CD22: variants seen among roughly 807,000 people sequenced by gnomAD.
CD22 encodes B-cell receptor CD22.
Under a neutral mutation model 94.7 loss-of-function variants are expected in CD22, and 51 were observed. The ratio of observed to expected loss-of-function variants is 0.54; its 90% CI spans 0.43 to 0.68. The LOEUF (loss-of-function observed/expected upper bound fraction) is 0.68. CD22 is among the 30% of genes least tolerant of loss of function. The pLI is 0.00. For missense variants in CD22, 931 were observed against 1,060.4 expected, an observed-to-expected ratio of 0.88 and a Z score of 1.69; for synonymous variants, 424 against 422.5, an observed-to-expected ratio of 1.00 and a Z score of -0.04.
Position 35,346,848 on chromosome 19 carries a change from GA to G in CD22, c.*153del, listed in dbSNP as rs1369572538. On this transcript the variant is annotated 3_prime_UTR_variant, in exon 14 of 14. Transcript: ENST00000085219. ...CACACACACACACACTCACTGCGGA[GA>G]ACCTTGTGCCTGGCTCAGAGCCAGT... The G allele has an allele frequency of 2.5e-6, 2 of 805,056 alleles. No individual in the cohort carries two copies. Among genetic ancestry groups the G allele is most frequent in the Non-Finnish European group, 3.8e-6 (2 of 529,464 alleles). 49.9% of individuals were successfully genotyped at this position (805,056 alleles called of 1,614,324 possible). A position where few individuals can be genotyped will look rare whatever the true frequency, so the allele number is the denominator to read the frequency against.
chr19:35,346,008 T>G, intron 12 of CD22, 143 bp from the exon 13 acceptor site: 1 of 681,722 alleles, frequency 1.5e-6, no homozygotes, highest in Non-Finnish European at 2.6e-6. Flanking sequence ...GAGCTCCTAC[T>G]GTGAGCTTTG....
intron 10 of CD22, 49 bp downstream of exon 10, chr19:35,344,974 C>G (rs903677542): frequency 1.3e-6 from 2 of 1,592,748 alleles, no homozygotes; most frequent in African/African-American, 2.7e-5. Flanking sequence ...TGGCAGAGGC[C>G]CGTGTCCAGT....
Position 35,336,188 on chromosome 19 carries a change from A to G in CD22, c.565A>G (p.Thr189Ala), listed in dbSNP as rs768754260. The G allele has an allele frequency of 2.5e-5, 40 of 1,613,998 alleles. No individual in the cohort carries two copies. The highest frequency in any genetic ancestry group is 3.1e-5 in the Non-Finnish European group (36 of 1,180,022). Residue 189 changes from threonine (T) to alanine (A), a missense_variant, in exon 4 of 14, where the codon ACC (threonine) becomes GCC (alanine). By Grantham distance (58) the Thr-to-Ala change is moderately conservative (BLOSUM62 0). Coordinates refer to ENST00000085219, the MANE Select transcript of CD22 (RefSeq NM_001771.4). ...GGTTCCAATGAGGCAGGCTGCTGTCACCTCGACCTCCTTGACCATCAAGTC... is the reference window on the plus strand; with the variant it reads ...GGTTCCAATGAGGCAGGCTGCTGTCGCCTCGACCTCCTTGACCATCAAGTC... ...EGVPMRQAAV[T>A]STSLTIKSVF...
At position 35,340,273 on chromosome 19, in the gene CD22, C is replaced by A. The variant is rs145417333; in HGVS notation, c.1250-608C>A. ...TTAGGAACTCTCAGGACTCACCCCC[C>A]ACCCACCCCGCACTGCCTCTTGTTT... On this transcript the variant is annotated intron_variant, in intron 6 of 13. Transcript: ENST00000085219. Among the ~76,000 whole-genome samples the A allele has an allele frequency of 5.1e-3, 775 of 152,026 alleles. 13 individuals carry two copies. The highest frequency in any genetic ancestry group is 0.027 in the Middle Eastern group (8 of 294).
At chr19:35,339,421 G>A (rs2066773929) in intron 6 of CD22, among the ~76,000 whole-genome samples, 1 of 151,938 alleles carries the variant, frequency 6.6e-6, no homozygotes. Context: ...GCCTGGCATG[G>A]TCATGCATGC....
In CD22 at chr19:35,341,892, G is replaced by A. The variant is rs759584926; in HGVS notation, c.1962G>A (p.Ser654=). 6.2e-6 allele frequency: 10 copies of A among 1,613,846 alleles called. No homozygotes were observed. The highest frequency in any genetic ancestry group is 1.3e-5 in the African/African-American group (1 of 74,850). ...LRLEPVKVQH[S]GAYWCQGTNS... ...TGGAGCCGGTGAAGGTCCAGCACTC[G>A]GGTGCCTACTGGTGCCAGGGGACCA... Residue 654 remains serine, a synonymous_variant, in exon 9 of 14, where the codon TCG becomes TCA. Coordinates refer to ENST00000085219, the MANE Select transcript of CD22 (RefSeq NM_001771.4). The surrounding 1 kb of genome is among the most constrained non-coding windows in gnomAD (Gnocchi z 4.0).
chr19:35,340,532 A>G (rs6510477), intron 6 of CD22, among the ~76,000 whole-genome samples: 144,498 of 152,216 alleles, frequency 0.95, 68,693 homozygotes, highest in East Asian at 1. Flanking sequence ...TGCCCACCTC[A>G]GCCTCCCAAA....
intron 9 of CD22, among the ~76,000 whole-genome samples, chr19:35,342,934 C>A (rs2066839600): frequency 6.6e-6 from 1 of 152,110 alleles, no homozygotes; most frequent in Non-Finnish European, 1.5e-5. Flanking sequence ...CCTCAGCTCC[C>A]CGAGTAGCTG....
chr19:35,340,647 C>T lies in CD22; in HGVS notation c.1250-234C>T, dbSNP rs138672080. ...CCATGCCCGTGCGCCTCTCAGCAGC[C>T]GTCTGGCTTCAGCGCTGTGCCCTGA... On this transcript the variant is annotated intron_variant, in intron 6 of 13. Transcript: ENST00000085219. Among the ~76,000 whole-genome samples the T allele has an allele frequency of 7.8e-4, 119 of 152,344 alleles. 2 individuals carry two copies. The East Asian group carries it at 0.017, about 22-fold the overall frequency.
At position 35,346,613 on chromosome 19, in the gene CD22, T is replaced by A; in HGVS notation, c.2460T>A (p.Ile820=). ...VIPDFPEDEG[I]HYSELIQFGV... Reference sequence around the variant, plus strand: ...CAGATTTTCCAGAAGATGAGGGGATTCATTACTCAGAGCTGATCCAGTTTG... The same window carrying A: ...CAGATTTTCCAGAAGATGAGGGGATACATTACTCAGAGCTGATCCAGTTTG... The change falls in exon 14 of 14, where the codon ATT becomes ATA. Residue 820 remains isoleucine (I), a synonymous_variant. Coordinates refer to ENST00000085219, the MANE Select transcript of CD22 (RefSeq NM_001771.4). The A allele has an allele frequency of 1.2e-6, 2 of 1,606,538 alleles. No individual in the cohort carries two copies. The highest frequency in any genetic ancestry group is 1.7e-6 in the Non-Finnish European group (2 of 1,176,122).
chr19:35,329,257 C>T (rs1312422143), intron 1 of CD22, 27 bp downstream of exon 1: 1 of 1,282,920 alleles, frequency 7.8e-7, no homozygotes, highest in Non-Finnish European at 1.0e-6. Context: ...TTTTATTTTG[C>T]ATTCAACAAG....
intron 3 of CD22, chr19:35,333,227 C>T (rs2066670702): frequency 1.0e-5 from 4 of 400,608 alleles, no homozygotes; most frequent in Admixed American, 4.0e-5. Flanking sequence ...CGTGTTTGGC[C>T]TTAGTACTGG....
chr19:35,335,729 C>T (rs1402376245), intron 3 of CD22, among the ~76,000 whole-genome samples: 1 of 151,736 alleles, frequency 6.6e-6, no homozygotes, highest in Admixed American at 6.6e-5. Context: ...GTGGTGGGCA[C>T]CTGTAATCCC....
rs763230161 is a variant in CD22 at position 35,341,908 on chromosome 19, C to T, written c.1978C>T (p.Gln660Ter). The change falls in exon 9 of 14, where the codon CAG becomes TAG. Residue 660 changes from glutamine to a stop codon, truncating the protein, a stop_gained. Coordinates refer to ENST00000085219, the MANE Select transcript of CD22 (RefSeq NM_001771.4). LOFTEE classifies it high-confidence loss of function. This position sits in a 1 kb window ranked among gnomAD's most constrained non-coding sequence, Gnocchi z 4.0. ...KVQHSGAYWC[Q>*]GTNSVGKGRS... is the part of the protein sequence containing the mutation. ...CCAGCACTCGGGTGCCTACTGGTGC[C>T]AGGGGACCAACAGTGTGGGCAAGGG... The T allele has an allele frequency of 3.7e-6, 6 of 1,614,006 alleles. No homozygotes were observed. Among genetic ancestry groups the T allele is most frequent in the Non-Finnish European group, 5.1e-6 (6 of 1,179,992 alleles).
At position 35,341,058 on chromosome 19, in the gene CD22, G is replaced by T. The variant is rs201759195; in HGVS notation, c.1427G>T (p.Gly476Val). 2.5e-6 allele frequency: 4 copies of T among 1,614,188 alleles called. No homozygotes were observed. The Admixed American group carries it at 5.0e-5, about 20-fold the overall frequency. ...SLGVLKIQNV[G>V]WDNTTIACAA... ...GGGGTGCTGAAGATCCAAAACGTTGGCTGGGACAACACAACCATCGCCTGC... is the reference window on the plus strand; with the variant it reads ...GGGGTGCTGAAGATCCAAAACGTTGTCTGGGACAACACAACCATCGCCTGC... Residue 476 changes from glycine to valine, a missense_variant, in exon 7 of 14, where the codon GGC becomes GTC. Coordinates refer to ENST00000085219, the MANE Select transcript of CD22 (RefSeq NM_001771.4). This position sits in a 1 kb window ranked among gnomAD's most constrained non-coding sequence, Gnocchi z 4.0.
chr19:35,346,798 G>A lies in CD22; in HGVS notation c.*101G>A, dbSNP rs1341357145. Reference sequence around the variant, plus strand: ...ACATGGCTTCCTCCTGCGCGCATGTGCGCACACACACACACACACGCACAC... The same window carrying A: ...ACATGGCTTCCTCCTGCGCGCATGTACGCACACACACACACACACGCACAC... On this transcript the variant is annotated 3_prime_UTR_variant, in exon 14 of 14. Transcript: ENST00000085219. 7 of 1,037,868 alleles carry A rather than the reference G, an allele frequency of 6.7e-6. No individual in the cohort carries two copies. Among genetic ancestry groups the A allele is most frequent in the South Asian group, 6.3e-5 (4 of 63,256 alleles). The allele number at this position is 1,037,868 out of a possible 1,614,324, so 64.3% of individuals were successfully genotyped here.
intron 13 of CD22, 109 bp downstream of exon 13, chr19:35,346,344 G>C: frequency 8.8e-7 from 1 of 1,137,418 alleles, no homozygotes; most frequent in Non-Finnish European, 1.3e-6. Flanking sequence ...GGCATCCGTG[G>C]TGGCAGAGGT....
intron 3 of CD22, among the ~76,000 whole-genome samples, chr19:35,335,328 G>A (rs575889595): frequency 2.0e-5 from 3 of 152,260 alleles, no homozygotes; most frequent in African/African-American, 7.2e-5. Flanking sequence ...GGCTGAGATC[G>A]GAGGATCGTT....
chr19:35,341,764 G>A lies in CD22; in HGVS notation c.1834G>A (p.Ala612Thr). The A allele has an allele frequency of 1.9e-6, 3 of 1,612,412 alleles. No homozygotes were observed. Among genetic ancestry groups the A allele is most frequent in the Non-Finnish European group, 2.5e-6 (3 of 1,179,984 alleles). ...GGACCAAGTGATGGAGGGGAAGAGT[G>A]CAACCCTGACCTGTGAGAGCGACGC... ...PGDQVMEGKS[A>T]TLTCESDANP... Residue 612 changes from alanine (A) to threonine (T), a missense_variant, in exon 9 of 14, where the codon GCA (alanine) becomes ACA (threonine). Ala to Thr is a moderately conservative substitution (Grantham distance 58, BLOSUM62 0). Transcript: ENST00000085219. The surrounding 1 kb of genome is among the most constrained non-coding windows in gnomAD (Gnocchi z 4.0).
Sources: allele counts gnomAD v4.1 joint callset (sites outside exome capture counted in the v4.1 genomes callset), GRCh38; gene constraint gnomAD v4.1.1; non-coding constraint Gnocchi (gnomAD v3.1); transcripts MANE v1.5; gene names NCBI Gene and HGNC (gene_info 2026-07-23, HGNC 2026-07-21).